The following TIGD2 variants were observed in gnomAD, a reference collection of about 807,000 sequenced individuals.
TIGD2 encodes tigger transposable element derived 2.
TIGD2 carries 14 observed loss-of-function variants against 27.0 expected under a neutral mutation model. That is an observed-to-expected ratio of 0.52 (90% confidence interval 0.34 to 0.81). The LOEUF is 0.81. Among genes scored for constraint, TIGD2 ranks in the 30% least tolerant of loss-of-function variants. The probability of loss-of-function intolerance (pLI) is 0.01; values close to 1 mark genes in which losing one functional copy is unlikely to be tolerated. For synonymous variants in TIGD2, 201 were observed against 209.0 expected (o/e 0.96, Z 0.33); for missense variants, 590 against 617.3 (o/e 0.96, Z 0.47).
chr4:89,114,746 G>A lies in TIGD2; in HGVS notation c.*194G>A, dbSNP rs1721180694. ...GTCATTGGGCATTGACGTGTAACTT[G>A]TCTTTCTACTGTTTCTAATATCTAT... On this transcript the variant is annotated 3_prime_UTR_variant, in exon 2 of 2. Coordinates refer to ENST00000603357, the MANE Select transcript of TIGD2 (RefSeq NM_145715.3). 1.8e-6 allele frequency: 1 copy of A among 565,406 alleles called. No homozygotes were observed. The highest frequency in any genetic ancestry group is 1.9e-5 in the African/African-American group (1 of 53,002). The allele number at this position is 565,406 out of a possible 1,614,324, so 35.0% of individuals were successfully genotyped here. A position where few individuals can be genotyped will look rare whatever the true frequency, so the allele number is the denominator to read the frequency against.
chr4:89,113,235 T>A lies in TIGD2; in HGVS notation c.261T>A (p.Phe87Leu). The change falls in exon 2 of 2, where the codon TTT (phenylalanine) becomes TTA (leucine). Residue 87 changes from phenylalanine (F) to leucine (L), a missense_variant. By Grantham distance (22) the Phe-to-Leu change is conservative. Coordinates refer to ENST00000603357, the MANE Select transcript of TIGD2 (RefSeq NM_145715.3). ...TTGATAGAGTTATGATAGAGTGGTT[T>A]AACCAACAGAAAACAGATGGGATTC... ...EELDRVMIEW[F>L]NQQKTDGIPV... is the part of the protein sequence containing the mutation. The A allele has an allele frequency of 6.2e-7, 1 of 1,614,102 alleles. No individual in the cohort carries two copies. Among genetic ancestry groups the A allele is most frequent in the Non-Finnish European group, 8.5e-7 (1 of 1,180,042 alleles).
Position 89,114,536 on chromosome 4 carries a change from A to G in TIGD2, c.1562A>G (p.Asn521Ser). Residue 521 changes from asparagine (N) to serine (S), a missense_variant, in exon 2 of 2, where the codon AAT becomes AGT. Coordinates refer to ENST00000603357, the MANE Select transcript of TIGD2 (RefSeq NM_145715.3). ...TIIRKKQKIQ[N>S]NKNH ...ATAAGAAAAAAACAGAAGATCCAAA[A>G]TAACAAAAATCATTAATAAGGCTCT... is the stretch of plus-strand genomic sequence containing the variant. The G allele has an allele frequency of 6.3e-7, 1 of 1,582,384 alleles. No homozygotes were observed. Among genetic ancestry groups the G allele is most frequent in the Non-Finnish European group, 8.6e-7 (1 of 1,161,464 alleles).
Position 89,114,100 on chromosome 4 carries a change from G to T in TIGD2, c.1126G>T (p.Val376Leu). ...TGAAGTGTCAAGAGCTTGGAACATGGTAAAATCAAGTACCATAACCAAAGC... is the reference window on the plus strand; with the variant it reads ...TGAAGTGTCAAGAGCTTGGAACATGTTAAAATCAAGTACCATAACCAAAGC... ...IYEVSRAWNM[V>L]KSSTITKAWK... Residue 376 changes from valine (V) to leucine (L), a missense_variant, in exon 2 of 2, where the codon GTA becomes TTA. By Grantham distance (32) the Val-to-Leu change is conservative (BLOSUM62 1). Around this residue, in one of 3 missense-constraint regions of TIGD2, gnomAD observed 451 missense variants for 448.0 expected, o/e 1.01. Transcript: ENST00000603357. 1 of 1,614,142 alleles carries T rather than the reference G, an allele frequency of 6.2e-7. No homozygotes were observed. Among genetic ancestry groups the T allele is most frequent in the Non-Finnish European group, 8.5e-7 (1 of 1,180,032 alleles).
chr4:89,113,926 AATGT>A lies in TIGD2; in HGVS notation c.953_956del (p.Asn318ThrfsTer4). 6.2e-7 allele frequency: 1 copy of A among 1,614,178 alleles called. No individual in the cohort carries two copies. Among genetic ancestry groups the A allele is most frequent in the Non-Finnish European group, 8.5e-7 (1 of 1,180,020 alleles). ...AATAATTGTGAAGTATTTGCCACCA[AATGT>A]CACAAGTCTGATTCAACCAATGAGC... On this transcript the variant is annotated frameshift_variant, in exon 2 of 2. Transcript: ENST00000603357. LOFTEE classifies it high-confidence loss of function.
Position 89,113,202 on chromosome 4 carries a change from C to G in TIGD2, c.228C>G (p.Tyr76Ter). 4 of 1,614,014 alleles carry G rather than the reference C, an allele frequency of 2.5e-6. No individual in the cohort carries two copies. Among genetic ancestry groups the G allele is most frequent in the Non-Finnish European group, 3.4e-6 (4 of 1,180,010 alleles). ...GTAAATCTATGAAGTCATCAACATA[C>G]GAGGAGCTTGATAGAGTTATGATAG... is the stretch of plus-strand genomic sequence containing the variant. The part of the protein sequence containing the change: ...SKRKSMKSST[Y>*]EELDRVMIEW... Residue 76 changes from tyrosine (Y) to a stop codon, truncating the protein, a stop_gained, in exon 2 of 2, where the codon TAC becomes TAG. Transcript: ENST00000603357. LOFTEE classifies it high-confidence loss of function.
At position 89,114,351 on chromosome 4, in the gene TIGD2, A is replaced by G. The variant is rs750489906; in HGVS notation, c.1377A>G (p.Gln459=). The change falls in exon 2 of 2, where the codon CAA becomes CAG. Residue 459 remains glutamine, a synonymous_variant. Coordinates refer to ENST00000603357, the MANE Select transcript of TIGD2 (RefSeq NM_145715.3). ...SAEDQTKAAE[Q]KPSSKSRKTE... ...AGGACCAGACCAAGGCTGCTGAGCAAAAGCCTTCCAGTAAGAGTAGAAAAA... is the reference window on the plus strand; with the variant it reads ...AGGACCAGACCAAGGCTGCTGAGCAGAAGCCTTCCAGTAAGAGTAGAAAAA... The G allele has an allele frequency of 1.2e-6, 2 of 1,613,960 alleles. No individual in the cohort carries two copies. The highest frequency in any genetic ancestry group is 1.7e-6 in the Non-Finnish European group (2 of 1,179,972).
In TIGD2 at chr4:89,112,867, G is replaced by T; in HGVS notation, c.-108G>T. 1 of 972,114 alleles carries T rather than the reference G, an allele frequency of 1.0e-6. No homozygotes were observed. The highest frequency in any genetic ancestry group is 1.5e-6 in the Non-Finnish European group (1 of 656,196). 60.2% of individuals were successfully genotyped at this position (972,114 alleles called of 1,614,324 possible). A position where few individuals can be genotyped will look rare whatever the true frequency, so the allele number is the denominator to read the frequency against. Reference sequence around the variant, plus strand: ...TTGGTCACTATCCATCTAGGCCCTAGAAGTGAGAGGAGGAATCTTACGAAC... The same window carrying T: ...TTGGTCACTATCCATCTAGGCCCTATAAGTGAGAGGAGGAATCTTACGAAC... On this transcript the variant is annotated 5_prime_UTR_variant, in exon 2 of 2. Coordinates refer to ENST00000603357, the MANE Select transcript of TIGD2 (RefSeq NM_145715.3).
Position 89,112,881 on chromosome 4 carries a change from A to T in TIGD2, c.-94A>T, listed in dbSNP as rs1237665123. 8.9e-7 allele frequency: 1 copy of T among 1,123,134 alleles called. No homozygotes were observed. Among genetic ancestry groups the T allele is most frequent in the East Asian group, 2.4e-5 (1 of 41,410 alleles). The allele number at this position is 1,123,134 out of a possible 1,614,324, so 69.6% of individuals were successfully genotyped here. ...TCTAGGCCCTAGAAGTGAGAGGAGG[A>T]ATCTTACGAACTCATTTTCTAGTTG... On this transcript the variant is annotated 5_prime_UTR_variant, in exon 2 of 2. Transcript: ENST00000603357.
chr4:89,111,335 G>T, upstream of TIGD2: 1 of 574,030 alleles, frequency 1.7e-6, no homozygotes, highest in Non-Finnish European at 2.2e-6. Context: ...TCCCCCTGCC[G>T]GCCAGGGAGG....
rs1480372777 is a variant in TIGD2, at chr4:89,113,370, C to G, written c.396C>G (p.Arg132=). ...SSGWLTRFKQ[R]HGIPKAAGKG... is the part of the protein sequence containing the mutation. ...GCTGGCTAACTCGATTTAAGCAGCG[C>G]CATGGTATTCCAAAGGCTGCTGGTA... is the stretch of plus-strand genomic sequence containing the variant. The change falls in exon 2 of 2, where the codon CGC becomes CGG. Residue 132 remains arginine (R), a synonymous_variant. Transcript: ENST00000603357. 3.1e-6 allele frequency: 5 copies of G among 1,614,004 alleles called. No individual in the cohort carries two copies.
chr4:89,114,503 G>A lies in TIGD2; in HGVS notation c.1529G>A (p.Arg510Gln), dbSNP rs994139106. 7 of 1,593,338 alleles carry A rather than the reference G, an allele frequency of 4.4e-6. No individual in the cohort carries two copies. The highest frequency in any genetic ancestry group is 1.7e-5 in the Admixed American group (1 of 57,430). Residue 510 changes from arginine to glutamine, a missense_variant, in exon 2 of 2, where the codon CGG becomes CAG. By Grantham distance (43) the Arg-to-Gln change is conservative (BLOSUM62 1). Around this residue, in one of 3 missense-constraint regions of TIGD2, gnomAD observed 451 missense variants for 448.0 expected, o/e 1.01. Coordinates refer to ENST00000603357, the MANE Select transcript of TIGD2 (RefSeq NM_145715.3). ...LSDKLVLRRLRTIIRKKQKIQ... is the reference protein window; with the variant it reads ...LSDKLVLRRLQTIIRKKQKIQ... ...GATAAATTGGTATTAAGGAGGCTTCGGACCATAATAAGAAAAAAACAGAAG... is the reference window on the plus strand; with the variant it reads ...GATAAATTGGTATTAAGGAGGCTTCAGACCATAATAAGAAAAAAACAGAAG...
At position 89,113,049 on chromosome 4, in the gene TIGD2, C is replaced by A. The variant is rs755391892; in HGVS notation, c.75C>A (p.Gly25=). Residue 25 remains glycine (G), a synonymous_variant, in exon 2 of 2, where the codon GGC becomes GGA. Coordinates refer to ENST00000603357, the MANE Select transcript of TIGD2 (RefSeq NM_145715.3). ...KLDIIKKLEE[G]ISFKKLSVVY... ...ACATTATTAAGAAACTTGAGGAAGG[C>A]ATCTCTTTCAAAAAACTTTCCGTGG... The A allele has an allele frequency of 6.2e-7, 1 of 1,612,350 alleles. No individual in the cohort carries two copies. Among genetic ancestry groups the A allele is most frequent in the African/African-American group, 1.3e-5 (1 of 74,904 alleles).
Position 89,114,317 on chromosome 4 carries a change from A to G in TIGD2, c.1343A>G (p.Glu448Gly), listed in dbSNP as rs760074283. The G allele has an allele frequency of 1.2e-5, 20 of 1,614,130 alleles. No individual in the cohort carries two copies. Among genetic ancestry groups the G allele is most frequent in the Non-Finnish European group, 1.4e-5 (16 of 1,180,030 alleles). ...AGCTGTCAGGTGCTGACTGACAGTG[A>G]AAGTGCTGAGGACCAGACCAAGGCT... is the stretch of plus-strand genomic sequence containing the variant. ...DSSCQVLTDSESAEDQTKAAE... is the reference protein window; with the variant it reads ...DSSCQVLTDSGSAEDQTKAAE... Residue 448 changes from glutamate (E) to glycine (G), a missense_variant, in exon 2 of 2, where the codon GAA becomes GGA. Physicochemically the swap from Glu to Gly is moderately conservative, Grantham distance 98. This residue lies in a region of TIGD2 where 451 missense variants were observed against 448.0 expected (regional missense o/e 1.01). Coordinates refer to ENST00000603357, the MANE Select transcript of TIGD2 (RefSeq NM_145715.3).
rs759693215 is a variant in TIGD2, at chr4:89,113,711, C to T, written c.737C>T (p.Pro246Leu). 6.2e-7 allele frequency: 1 copy of T among 1,614,174 alleles called. No homozygotes were observed. The highest frequency in any genetic ancestry group is 1.7e-5 in the Admixed American group (1 of 60,026). The change falls in exon 2 of 2, where the codon CCT becomes CTT. Residue 246 changes from proline to leucine, a missense_variant. By Grantham distance (98) the Pro-to-Leu change is moderately conservative. Coordinates refer to ENST00000603357, the MANE Select transcript of TIGD2 (RefSeq NM_145715.3). ...AFKGTDLSNL[P>L]VTYYSQKGAW... is the part of the protein sequence containing the mutation. ...AAAGGCACTGACCTTTCAAACCTTC[C>T]TGTGACATATTACAGTCAAAAAGGT... is the stretch of plus-strand genomic sequence containing the variant.
rs1317412302 is a variant in TIGD2 at position 89,113,926 on chromosome 4, A to G, written c.952A>G (p.Asn318Asp). The G allele has an allele frequency of 8.7e-6, 14 of 1,614,060 alleles. No homozygotes were observed. The highest frequency in any genetic ancestry group is 5.0e-5 in the Admixed American group (3 of 60,004). The change falls in exon 2 of 2, where the codon AAT (asparagine) becomes GAT (aspartate). Residue 318 changes from asparagine to aspartate, a missense_variant. By Grantham distance (23) the Asn-to-Asp change is conservative (BLOSUM62 1). Transcript: ENST00000603357. ...AATAATTGTGAAGTATTTGCCACCA[A>G]ATGTCACAAGTCTGATTCAACCAAT... is the stretch of plus-strand genomic sequence containing the variant. ...GRIIVKYLPPNVTSLIQPMSQ... is the reference protein window; with the variant it reads ...GRIIVKYLPPDVTSLIQPMSQ...
upstream of TIGD2, chr4:89,111,247 T>G: frequency 1.0e-6 from 1 of 972,554 alleles, no homozygotes; most frequent in Non-Finnish European, 1.2e-6. Flanking sequence ...ATTTTAAAAT[T>G]TCCCCCTAGG....
At position 89,113,006 on chromosome 4, in the gene TIGD2, CAATT is replaced by C; in HGVS notation, c.35_38del (p.Ile12ArgfsTer41). 2.5e-6 allele frequency: 4 copies of C among 1,600,368 alleles called. No homozygotes were observed. Among genetic ancestry groups the C allele is most frequent in the Non-Finnish European group, 2.6e-6 (3 of 1,174,834 alleles). The stretch of plus-strand genomic sequence containing the variant: ...GGGAAACGTAAGCGTGTGGTGTTGA[CAATT>C]AAGGACAAGCTTGACATTATTAAGA... On this transcript the variant is annotated frameshift_variant, in exon 2 of 2. Coordinates refer to ENST00000603357, the MANE Select transcript of TIGD2 (RefSeq NM_145715.3). LOFTEE classifies it low-confidence loss of function (END_TRUNC).
In TIGD2 at chr4:89,113,543, C is replaced by T. The variant is rs1721153314; in HGVS notation, c.569C>T (p.Thr190Ile). ...TTTTGGAAATGTCTACCATCAAGGA[C>T]ATTAACTCTTGAAACTGACCAAAGT... ...GLFWKCLPSR[T>I]LTLETDQSTS... Residue 190 changes from threonine (T) to isoleucine (I), a missense_variant, in exon 2 of 2, where the codon ACA becomes ATA. Coordinates refer to ENST00000603357, the MANE Select transcript of TIGD2 (RefSeq NM_145715.3). The T allele has an allele frequency of 6.2e-7, 1 of 1,614,100 alleles. No individual in the cohort carries two copies. The highest frequency in any genetic ancestry group is 1.1e-5 in the South Asian group (1 of 91,080).
At position 89,114,003 on chromosome 4, in the gene TIGD2, C is replaced by G; in HGVS notation, c.1029C>G (p.Leu343=). The G allele has an allele frequency of 6.2e-7, 1 of 1,614,054 alleles. No individual in the cohort carries two copies. Among genetic ancestry groups the G allele is most frequent in the Non-Finnish European group, 8.5e-7 (1 of 1,180,022 alleles). Residue 343 remains leucine, a synonymous_variant, in exon 2 of 2, where the codon CTC becomes CTG. Coordinates refer to ENST00000603357, the MANE Select transcript of TIGD2 (RefSeq NM_145715.3). ...AAAGATACTATCGAGCAGGACTTCTCCAGAAATACATGGATGAAGGAAATG... is the reference window on the plus strand; with the variant it reads ...AAAGATACTATCGAGCAGGACTTCTGCAGAAATACATGGATGAAGGAAATG... The part of the protein sequence containing the change: ...TVKRYYRAGL[L]QKYMDEGNDP...
Sources: gnomAD v4.1 joint callset for allele counts on GRCh38, gnomAD v4.1.1 for gene constraint, gnomAD v4.1.1 regional missense constraint, MANE v1.5 for transcripts, NCBI Gene and HGNC (gene_info 2026-07-23, HGNC 2026-07-21) for gene names.